Variants in CEP164 observed in about 807,000 individuals in gnomAD.
CEP164 encodes centrosomal protein 164.
A neutral mutation model predicts 182.7 loss-of-function variants in CEP164; 162 were observed. The observed-to-expected ratio is 0.89, with a 90% CI of 0.78 to 1.01. The LOEUF (loss-of-function observed/expected upper bound fraction) is 1.01, where lower values mean the gene tolerates loss of function less well. Among genes scored for constraint, CEP164 ranks in the 50% least tolerant of loss-of-function variants. The pLI is 0.00. For missense variants in CEP164, 1,735 were observed against 1,790.4 expected (o/e 0.97, Z 0.56); for synonymous variants, 661 against 690.0 (o/e 0.96, Z 0.66).
intron 8 of CEP164, among the ~76,000 whole-genome samples, chr11:117,368,015 G>A (rs903473190): frequency 2.6e-4 from 40 of 152,240 alleles, no homozygotes; most frequent in African/African-American, 9.2e-4. Flanking sequence ...CCTCAGCTCC[G>A]ATCTTTTTAT....
In CEP164 at chr11:117,380,672, T is replaced by G. The variant is rs781050968; in HGVS notation, c.1376T>G (p.Leu459Arg). The G allele has an allele frequency of 3.1e-6, 5 of 1,608,826 alleles. No individual in the cohort carries two copies. The highest frequency in any genetic ancestry group is 4.2e-6 in the Non-Finnish European group (5 of 1,177,772). ...KDDSQSSQDE[L>R]QSKQSKGLEE... ...GACAGCCAGTCCAGCCAAGATGAGC[T>G]GCAGAGCAAGCAGTCCAAAGGCCTG... Residue 459 changes from leucine to arginine, a missense_variant, in exon 12 of 33, where the codon CTG becomes CGG. Coordinates refer to ENST00000278935, the MANE Select transcript of CEP164 (RefSeq NM_014956.5).
intron 3 of CEP164, among the ~76,000 whole-genome samples, chr11:117,342,784 T>C (rs1272304812): frequency 6.6e-6 from 1 of 151,118 alleles, no homozygotes; most frequent in Non-Finnish European, 1.5e-5. Context: ...CTGAGATAGC[T>C]CTTAAGTCAG....
intron 4 of CEP164, among the ~76,000 whole-genome samples, chr11:117,350,911 T>C (rs2135423722): frequency 6.6e-6 from 1 of 152,368 alleles, no homozygotes; most frequent in Admixed American, 6.5e-5. Flanking sequence ...TTGTTGTTAA[T>C]GGTGGATGAG....
intron 5 of CEP164, chr11:117,355,656 A>G: frequency 8.4e-7 from 1 of 1,191,320 alleles, no homozygotes; most frequent in Non-Finnish European, 1.1e-6. Flanking sequence ...CTGAGCTGGC[A>G]GGGAGTTCCT....
rs117862647 is a variant in CEP164 at position 117,344,032 on chromosome 11, A to G, written c.83-134A>G. The G allele has an allele frequency of 9.0e-3, 5,462 of 604,408 alleles. 49 individuals carry two copies. The highest frequency in any genetic ancestry group is 0.01 in the Non-Finnish European group (3,371 of 335,106). The allele number at this position is 604,408 out of a possible 1,614,324, so 37.4% of individuals were successfully genotyped here. A position where few individuals can be genotyped will look rare whatever the true frequency, so the allele number is the denominator to read the frequency against. Reference sequence around the variant, plus strand: ...TTGTAAATTGTAAGGAAACAATTATATATGTTTATTGTTTATAATTTAAAG... The same window carrying G: ...TTGTAAATTGTAAGGAAACAATTATGTATGTTTATTGTTTATAATTTAAAG... On this transcript the variant is annotated intron_variant, in intron 3 of 32. Transcript: ENST00000278935.
intron 1 of CEP164, 145 bp from the exon 2 acceptor site, chr11:117,335,460 G>T (rs1346867896): frequency 6.6e-6 from 1 of 152,196 alleles, no homozygotes; most frequent in Non-Finnish European, 1.5e-5. Context: ...TGGTACAGAG[G>T]GGGGCCATAG....
chr11:117,400,598 T>C (rs1207491990), intron 27 of CEP164, among the ~76,000 whole-genome samples: 1 of 152,246 alleles, frequency 6.6e-6, no homozygotes, highest in African/African-American at 2.4e-5. Flanking sequence ...TTTCACAATA[T>C]TGATTCTTCG....
At position 117,409,131 on chromosome 11, in the gene CEP164, C is replaced by A. The variant is rs2047031867; in HGVS notation, c.3748+103C>A. 2 of 1,435,060 alleles carry A rather than the reference C, an allele frequency of 1.4e-6. No homozygotes were observed. Among genetic ancestry groups the A allele is most frequent in the Non-Finnish European group, 1.9e-6 (2 of 1,052,602 alleles). 88.9% of individuals were successfully genotyped at this position (1,435,060 alleles called of 1,614,324 possible). ...CTTCCCTCAGCCCTGCAGAGGGAGG[C>A]CTCTGTGAGCCGGTGTCTGGACTAG... On this transcript the variant is annotated intron_variant, in intron 29 of 32. Coordinates refer to ENST00000278935, the MANE Select transcript of CEP164 (RefSeq NM_014956.5). This position sits in a 1 kb window ranked among gnomAD's most constrained non-coding sequence, Gnocchi z 4.4.
At chr11:117,375,592 G>C (rs1006274221) in intron 10 of CEP164, 116 bp from the exon 11 acceptor site, 12 of 772,958 alleles carry the variant, frequency 1.6e-5, no homozygotes, top group Non-Finnish European at 2.8e-5. Context: ...GTTTGGCACA[G>C]AGCTGGGCAC....
chr11:117,359,711 A>G (rs531039906), intron 5 of CEP164, among the ~76,000 whole-genome samples: 1 of 152,272 alleles, frequency 6.6e-6, no homozygotes, highest in African/African-American at 2.4e-5. Flanking sequence ...GTCTTTGTAA[A>G]TTGTCACCAG....
At chr11:117,324,481 T>A (rs187625938), upstream of CEP164, among the ~76,000 whole-genome samples, 1 of 151,194 alleles carries the variant, frequency 6.6e-6, no homozygotes, top group Non-Finnish European at 1.5e-5. Flanking sequence ...TTTGTTATTT[T>A]CCCCCCAAAG....
In CEP164 at chr11:117,351,876, G is replaced by A. The variant is rs490262; in HGVS notation, c.281G>A (p.Ser94Asn). ...CATCCATGTGACGAACACTATCGGA[G>A]CTTGGTGATCCAAGAGCGGGCAAAG... ...WDHPCDEHYR[S>N]LVIQERAKLS... The change falls in exon 5 of 33, where the codon AGC (serine) becomes AAC (asparagine). Residue 94 changes from serine to asparagine, a missense_variant. Ser to Asn is a conservative substitution (Grantham distance 46, BLOSUM62 1). Transcript: ENST00000278935. The A allele has an allele frequency of 0.2, 327,239 of 1,613,052 alleles. 34,334 individuals carry two copies. The highest frequency in any genetic ancestry group is 0.28 in the Admixed American group (16,998 of 59,910).
chr11:117,404,687 G>A lies in CEP164; in HGVS notation c.3502-3238G>A, dbSNP rs1185887437. On this transcript the variant is annotated intron_variant, in intron 27 of 32. Transcript: ENST00000278935. Reference sequence around the variant, plus strand: ...TTAGCAGAGCCCAAGTGCTGTGCTGGGAGATCTGCTGCTCTCTTCAGAGCC... The same window carrying A: ...TTAGCAGAGCCCAAGTGCTGTGCTGAGAGATCTGCTGCTCTCTTCAGAGCC... 3.3e-5 allele frequency among the ~76,000 whole-genome samples: 5 copies of A among 152,230 alleles called. 1 individual carries two copies. Among genetic ancestry groups the A allele is most frequent in the African/African-American group, 1.2e-4 (5 of 41,464 alleles).
intron 8 of CEP164, among the ~76,000 whole-genome samples, chr11:117,368,174 A>G (rs1030429687): frequency 1.3e-5 from 2 of 152,240 alleles, no homozygotes; most frequent in African/African-American, 2.4e-5. Flanking sequence ...CTATTAAAGT[A>G]TATGATGGGG....
Position 117,409,480 on chromosome 11 carries a change from C to T in CEP164, c.3749-138C>T, listed in dbSNP as rs1004949431. 8.0e-6 allele frequency: 6 copies of T among 752,856 alleles called. No individual in the cohort carries two copies. Among genetic ancestry groups the T allele is most frequent in the Non-Finnish European group, 1.3e-5 (6 of 454,430 alleles). 46.6% of individuals were successfully genotyped at this position (752,856 alleles called of 1,614,324 possible). On this transcript the variant is annotated intron_variant, in intron 29 of 32. Coordinates refer to ENST00000278935, the MANE Select transcript of CEP164 (RefSeq NM_014956.5). The surrounding 1 kb of genome is among the most constrained non-coding windows in gnomAD (Gnocchi z 4.4). The stretch of plus-strand genomic sequence containing the variant: ...CACAGAAGCCCTGCCATCCCTGACC[C>T]CCTCATAAGGTTGAGGGGCTGTTGT...
chr11:117,348,250 G>A (rs182892106), intron 4 of CEP164, among the ~76,000 whole-genome samples: 1 of 152,118 alleles, frequency 6.6e-6, no homozygotes, highest in East Asian at 1.9e-4. Context: ...GGGGTTACAG[G>A]CATGAGCCAC....
chr11:117,368,619 G>A (rs968470008), intron 8 of CEP164, among the ~76,000 whole-genome samples: 7 of 152,130 alleles, frequency 4.6e-5, no homozygotes, highest in African/African-American at 1.4e-4. Context: ...CCTGCTTGCC[G>A]AGTGAGGGGG....
At chr11:117,387,970 G>A (rs935081214) in intron 15 of CEP164, among the ~76,000 whole-genome samples, 3 of 152,074 alleles carry the variant, frequency 2.0e-5, no homozygotes, top group Admixed American at 6.5e-5. Flanking sequence ...ACTGACATAG[G>A]GTCTGTCCTT....
chr11:117,411,074 C>G lies in CEP164; in HGVS notation c.4163+180C>G. 1 of 594,722 alleles carries G rather than the reference C, an allele frequency of 1.7e-6. No homozygotes were observed. The highest frequency in any genetic ancestry group is 2.7e-5 in the Admixed American group (1 of 37,538). The allele number at this position is 594,722 out of a possible 1,614,324, so 36.8% of individuals were successfully genotyped here. The stretch of plus-strand genomic sequence containing the variant: ...CTGGGTCTGAGGCGCCCCTCCATGA[C>G]CAGGGGAAAGTCAAGTTCACACCGC... On this transcript the variant is annotated intron_variant, in intron 31 of 32. Transcript: ENST00000278935. The surrounding 1 kb of genome is among the most constrained non-coding windows in gnomAD (Gnocchi z 4.4).
Sources: allele counts gnomAD v4.1 joint callset (sites outside exome capture counted in the v4.1 genomes callset), GRCh38; gene constraint gnomAD v4.1.1; non-coding constraint Gnocchi (gnomAD v3.1); transcripts MANE v1.5; gene names NCBI Gene and HGNC (gene_info 2026-07-23, HGNC 2026-07-21).